The following ACADL variants were observed in gnomAD, a reference collection of about 807,000 sequenced individuals.
ACADL encodes acyl-CoA dehydrogenase long chain, also known as long-chain specific acyl-CoA dehydrogenase, mitochondrial.
Under a neutral mutation model 56.9 loss-of-function variants are expected in ACADL, and 60 were observed. The ratio of observed to expected loss-of-function variants is 1.05; its 90% confidence interval spans 0.86 to 1.31. ACADL has a LOEUF of 1.31. Ranked by LOEUF, ACADL falls within the 50% of genes most tolerant of loss-of-function variation. ACADL has a pLI of 0.00. For missense variants in ACADL, 484 were observed against 525.5 expected, an observed-to-expected ratio of 0.92 and a Z score of 0.77; for synonymous variants, 158 against 179.7, an observed-to-expected ratio of 0.88 and a Z score of 0.97.
At chr2:210,194,818 G>A (rs1688682554) in intron 9 of ACADL, among the ~76,000 whole-genome samples, 1 of 152,098 alleles carries the variant, frequency 6.6e-6, no homozygotes, top group Non-Finnish European at 1.5e-5. Flanking sequence ...AGACTCCTAA[G>A]TTTTACTGTT....
chr2:210,205,385 C>T (rs1688866989), intron 6 of ACADL, among the ~76,000 whole-genome samples: 1 of 152,046 alleles, frequency 6.6e-6, no homozygotes, highest in East Asian at 1.9e-4. Flanking sequence ...TGGCTTGTTA[C>T]CATGCAGTTA....
chr2:210,221,133 A>G (rs1350547688), intron 1 of ACADL, among the ~76,000 whole-genome samples: 1 of 152,238 alleles, frequency 6.6e-6, no homozygotes, highest in Non-Finnish European at 1.5e-5. Flanking sequence ...CACATTATGT[A>G]AAATTCAAAT....
At chr2:210,213,983 C>T (rs10179268) in intron 4 of ACADL, among the ~76,000 whole-genome samples, 14,967 of 151,880 alleles carry the variant, frequency 0.099, 834 homozygotes, top group Middle Eastern at 0.14. Context: ...GAGTTTCAGA[C>T]CAGCCTGGGA....
chr2:210,212,734 T>C (rs951233237), intron 4 of ACADL, among the ~76,000 whole-genome samples: 1 of 152,188 alleles, frequency 6.6e-6, no homozygotes, highest in African/African-American at 2.4e-5. Flanking sequence ...TGAGAACATG[T>C]GGTGTATCAA....
chr2:210,217,058 A>G (rs1689099830), intron 3 of ACADL, among the ~76,000 whole-genome samples: 2 of 126,642 alleles, frequency 1.6e-5, no homozygotes, highest in East Asian at 2.3e-4. Context: ...AAAATAAATT[A>G]TATGACACAA....
chr2:210,208,093 C>T (rs969337944), intron 5 of ACADL, among the ~76,000 whole-genome samples: 4 of 152,176 alleles, frequency 2.6e-5, no homozygotes, highest in African/African-American at 9.7e-5. Context: ...TGTATAGCTG[C>T]CACAGTTGAA....
chr2:210,224,651 G>C, intron 1 of ACADL: 1 of 985,808 alleles, frequency 1.0e-6, no homozygotes, highest in Non-Finnish European at 1.2e-6. Flanking sequence ...ACCCTCGCCA[G>C]GTCATTTCTA....
At position 210,189,065 on chromosome 2, in the gene ACADL, CAG is replaced by C. The variant is rs771868717; in HGVS notation, c.1200-13_1200-12del. 2 of 1,574,970 alleles carry C rather than the reference CAG, an allele frequency of 1.3e-6. No homozygotes were observed. The highest frequency in any genetic ancestry group is 2.2e-5 in the South Asian group (2 of 90,138). ...GCATCCACATAAGCTCTGGATAAAT[CAG>C]ATGATTGAATGAATAAATAAAATAT... On this transcript the variant is annotated splice_polypyrimidine_tract_variant and intron_variant, in intron 10 of 10. Coordinates refer to ENST00000233710, the MANE Select transcript of ACADL (RefSeq NM_001608.4).
chr2:210,189,516 A>C (rs950293787), intron 10 of ACADL, among the ~76,000 whole-genome samples: 1 of 152,238 alleles, frequency 6.6e-6, no homozygotes, highest in African/African-American at 2.4e-5. Context: ...TATCACTATC[A>C]GGAATATAAA....
intron 4 of ACADL, among the ~76,000 whole-genome samples, chr2:210,214,467 A>AAAAAGAAAGAAAGAAAGAAAGAAAGAAAG (rs768537049): frequency 3.3e-5 from 4 of 122,418 alleles, no homozygotes; most frequent in Non-Finnish European, 6.6e-5. Context: ...GACCTTCCAA[A>AAAAAGAAAGAAAGAAAGAAAGAAAGAAAG]AAAGAAAGAA....
intron 1 of ACADL, among the ~76,000 whole-genome samples, chr2:210,223,911 A>G (rs1192265293): frequency 6.6e-6 from 1 of 152,178 alleles, no homozygotes; most frequent in Admixed American, 6.5e-5. Flanking sequence ...TAACCTACAT[A>G]AACAAAAGTC....
intron 8 of ACADL, among the ~76,000 whole-genome samples, chr2:210,199,888 A>G (rs1205772454): frequency 6.6e-6 from 1 of 151,916 alleles, no homozygotes; most frequent in Non-Finnish European, 1.5e-5. Flanking sequence ...GAGACTACAG[A>G]CACACACCAC....
Position 210,189,024 on chromosome 2 carries a change from G to T in ACADL, c.1230C>A (p.Ile410=). 1 of 1,613,308 alleles carries T rather than the reference G, an allele frequency of 6.2e-7. No homozygotes were observed. The highest frequency in any genetic ancestry group is 8.5e-7 in the Non-Finnish European group (1 of 1,179,422). ...KAYVDARVQP[I]YGGTNEIMKE... ...TCATTATTTCATTTGTACCACCATAGATTGGCTGAACTCTGGCATCCACAT... is the reference window on the plus strand; with the variant it reads ...TCATTATTTCATTTGTACCACCATATATTGGCTGAACTCTGGCATCCACAT... Residue 410 remains isoleucine, a synonymous_variant, in exon 11 of 11, where the codon ATC becomes ATA. Transcript: ENST00000233710.
At chr2:210,211,352 G>A (rs1559638791) in intron 4 of ACADL, among the ~76,000 whole-genome samples, 1 of 152,124 alleles carries the variant, frequency 6.6e-6, no homozygotes, top group Non-Finnish European at 1.5e-5. Flanking sequence ...ATAAACAGCA[G>A]AGTGTATAAA....
At chr2:210,222,077 G>A (rs1319268035) in intron 1 of ACADL, among the ~76,000 whole-genome samples, 3 of 151,630 alleles carry the variant, frequency 2.0e-5, no homozygotes. Context: ...TTTTTTTTGT[G>A]GCTTATTCAT....
chr2:210,195,188 T>C (rs773030225), intron 9 of ACADL, 23 bp downstream of exon 9: 6 of 1,613,538 alleles, frequency 3.7e-6, no homozygotes, highest in Non-Finnish European at 4.2e-6. Context: ...CACACCGCAC[T>C]CTAATTACTG....
chr2:210,215,992 GA>G (rs1351319144), intron 4 of ACADL, among the ~76,000 whole-genome samples: 2 of 152,100 alleles, frequency 1.3e-5, no homozygotes, highest in African/African-American at 4.8e-5. Context: ...TCTTATAAAT[GA>G]AAGACTTTTA....
chr2:210,190,065 G>A (rs999299322), intron 10 of ACADL, among the ~76,000 whole-genome samples: 1 of 150,988 alleles, frequency 6.6e-6, no homozygotes, highest in Non-Finnish European at 1.5e-5. Context: ...TTGGTGTTTT[G>A]TTTTGTTTAA....
intron 10 of ACADL, among the ~76,000 whole-genome samples, chr2:210,190,653 G>A (rs1422229751): frequency 6.6e-6 from 1 of 152,020 alleles, no homozygotes; most frequent in Non-Finnish European, 1.5e-5. Flanking sequence ...CGAGCCTAAT[G>A]AGTAAGACTT....
Sources: gnomAD v4.1 joint callset for allele counts (sites outside exome capture counted in the v4.1 genomes callset) on GRCh38, gnomAD v4.1.1 for gene constraint, MANE v1.5 for transcripts, NCBI Gene and HGNC (gene_info 2026-07-23, HGNC 2026-07-21) for gene names.